Variants in ZNF804B observed in about 807,000 individuals in gnomAD.
ZNF804B encodes the protein zinc finger 804B.
A neutral mutation model predicts 101.4 loss-of-function variants in ZNF804B; 80 were observed. The ratio of observed to expected loss-of-function variants is 0.79; its 90% CI spans 0.66 to 0.95. The LOEUF is 0.95. Ranked by LOEUF, ZNF804B falls within the 40% of genes least tolerant of loss-of-function variation. The pLI is 0.00. For missense variants in ZNF804B, 1,673 were observed against 1,561.9 expected, an observed-to-expected ratio of 1.07 and a Z score of -1.20; for synonymous variants, 622 against 558.8, an observed-to-expected ratio of 1.11 and a Z score of -1.59.
chr7:89,263,882 C>G (rs1159814178), intron 2 of ZNF804B, among the ~76,000 whole-genome samples: 1 of 152,166 alleles, frequency 6.6e-6, no homozygotes, highest in African/African-American at 2.4e-5. Flanking sequence ...GGACTTCTGG[C>G]TGCCGGGCTA....
At chr7:89,076,821 G>A (rs1215770065) in intron 1 of ZNF804B, among the ~76,000 whole-genome samples, 1 of 152,150 alleles carries the variant, frequency 6.6e-6, no homozygotes, top group African/African-American at 2.4e-5. Flanking sequence ...TTAGTGGGTG[G>A]ACATACAGGA....
chr7:89,220,829 A>C (rs1257902880), intron 2 of ZNF804B, among the ~76,000 whole-genome samples: 1 of 151,940 alleles, frequency 6.6e-6, no homozygotes, highest in Non-Finnish European at 1.5e-5. Context: ...TTTAATCTAT[A>C]GGTTTTTCCA....
At chr7:88,825,331 G>T (rs912706494) in intron 1 of ZNF804B, among the ~76,000 whole-genome samples, 2 of 151,714 alleles carry the variant, frequency 1.3e-5, no homozygotes, top group Non-Finnish European at 2.9e-5. Context: ...CTAACAATGA[G>T]AATTTTACTA....
At chr7:89,172,075 G>A (rs983114459) in intron 1 of ZNF804B, among the ~76,000 whole-genome samples, 1 of 152,010 alleles carries the variant, frequency 6.6e-6, no homozygotes, top group Non-Finnish European at 1.5e-5. Context: ...TAGCTGAAAG[G>A]GCACTTTGAG....
At chr7:89,260,183 T>C (rs991410938) in intron 2 of ZNF804B, among the ~76,000 whole-genome samples, 1 of 152,086 alleles carries the variant, frequency 6.6e-6, no homozygotes, top group African/African-American at 2.4e-5. Flanking sequence ...CTGGTGCTTA[T>C]TTTTTTCCTT....
Position 89,215,777 on chromosome 7 carries a change from G to A in ZNF804B, c.109-2378G>A, listed in dbSNP as rs557980577. On this transcript the variant is annotated intron_variant, in intron 1 of 3. Coordinates refer to ENST00000333190, the MANE Select transcript of ZNF804B (RefSeq NM_181646.5). ...GGGCTCCTGTAGTGCAAGCTACTGC[G>A]GGAGGCTGAGGCAGGAGAATGGCGT... Among the ~76,000 whole-genome samples the A allele has an allele frequency of 3.2e-3, 492 of 151,818 alleles. 2 individuals are homozygous for A. Among genetic ancestry groups the A allele is most frequent in the Non-Finnish European group, 5.3e-3 (361 of 67,910 alleles).
At chr7:88,972,557 CCT>C (rs1220564869) in intron 1 of ZNF804B, among the ~76,000 whole-genome samples, 2 of 151,088 alleles carry the variant, frequency 1.3e-5, no homozygotes, top group Admixed American at 6.6e-5. Context: ...AAAAAAGTCC[CCT>C]GTTAATTATC....
chr7:89,183,153 T>C (rs1435929630), intron 1 of ZNF804B, among the ~76,000 whole-genome samples: 1 of 152,086 alleles, frequency 6.6e-6, no homozygotes, highest in Non-Finnish European at 1.5e-5. Context: ...ATAGCATTCC[T>C]GGAAGAAGAG....
chr7:88,992,250 T>C (rs1793858270), intron 1 of ZNF804B, among the ~76,000 whole-genome samples: 2 of 152,288 alleles, frequency 1.3e-5, no homozygotes, highest in South Asian at 4.1e-4. Context: ...CAAAATTAAA[T>C]ATTAACTCTC....
chr7:89,078,926 T>C (rs954653281), intron 1 of ZNF804B, among the ~76,000 whole-genome samples: 5 of 151,904 alleles, frequency 3.3e-5, no homozygotes, highest in Non-Finnish European at 7.4e-5. Flanking sequence ...GGAGATGGAG[T>C]ATGGGGCCAA....
chr7:88,900,558 A>G (rs1792373278), intron 1 of ZNF804B, among the ~76,000 whole-genome samples: 2 of 147,126 alleles, frequency 1.4e-5, no homozygotes, highest in African/African-American at 5.0e-5. Context: ...TTGGTCAAGC[A>G]TCTAGTATGT....
Position 89,207,966 on chromosome 7 carries a change from C to T in ZNF804B, c.109-10189C>T, listed in dbSNP as rs114810398. ...GATATTGTCTGATTTTACTGGTGAG[C>T]GCTGATATGTTCTGTATTAGAGAAA... On this transcript the variant is annotated intron_variant, in intron 1 of 3. Coordinates refer to ENST00000333190, the MANE Select transcript of ZNF804B (RefSeq NM_181646.5). Among the ~76,000 whole-genome samples, 1,449 of 152,042 alleles carry T rather than the reference C, an allele frequency of 9.5e-3. 27 individuals carry two copies. Among genetic ancestry groups the T allele is most frequent in the African/African-American group, 0.032 (1,344 of 41,466 alleles).
chr7:89,122,733 A>G (rs1041098614), intron 1 of ZNF804B, among the ~76,000 whole-genome samples: 4 of 152,118 alleles, frequency 2.6e-5, no homozygotes, highest in Admixed American at 6.5e-5. Flanking sequence ...CACCCCATCA[A>G]TCATTCTCCA....
chr7:88,927,667 A>C (rs1296251593), intron 1 of ZNF804B, among the ~76,000 whole-genome samples: 1 of 151,622 alleles, frequency 6.6e-6, no homozygotes, highest in African/African-American at 2.4e-5. Context: ...TCTCTCTTTG[A>C]TCTAGGTGTT....
At chr7:89,003,583 G>A (rs1788322761) in intron 1 of ZNF804B, among the ~76,000 whole-genome samples, 1 of 151,914 alleles carries the variant, frequency 6.6e-6, no homozygotes, top group Non-Finnish European at 1.5e-5. Flanking sequence ...GAGTCATTTA[G>A]CATCAACTCT....
chr7:88,825,739 C>T (rs940163879), intron 1 of ZNF804B, among the ~76,000 whole-genome samples: 1 of 152,086 alleles, frequency 6.6e-6, no homozygotes, highest in African/African-American at 2.4e-5. Context: ...TTTTTAAATT[C>T]ATAAATCATT....
At chr7:88,812,719 TA>T (rs1202032770) in intron 1 of ZNF804B, among the ~76,000 whole-genome samples, 1 of 152,090 alleles carries the variant, frequency 6.6e-6, no homozygotes, top group African/African-American at 2.4e-5. Flanking sequence ...TATTCAGCCT[TA>T]AAAAGGAAGG....
intron 1 of ZNF804B, among the ~76,000 whole-genome samples, chr7:88,965,945 T>C (rs1793447045): frequency 6.6e-6 from 1 of 151,488 alleles, no homozygotes; most frequent in Admixed American, 6.6e-5. Flanking sequence ...GAAAAATTTT[T>C]GCAAGCAAAA....
At chr7:89,129,625 C>T (rs1383612243) in intron 1 of ZNF804B, among the ~76,000 whole-genome samples, 1 of 151,980 alleles carries the variant, frequency 6.6e-6, no homozygotes, top group East Asian at 1.9e-4. Flanking sequence ...CTGCTAAGAC[C>T]TCTAAATTTA....
Sources: allele counts gnomAD v4.1 joint callset (sites outside exome capture counted in the v4.1 genomes callset), GRCh38; gene constraint gnomAD v4.1.1; transcripts MANE v1.5; gene names NCBI Gene and HGNC (gene_info 2026-07-23, HGNC 2026-07-21).